PTPRD: variants seen among roughly 807,000 people sequenced by gnomAD.
PTPRD encodes protein tyrosine phosphatase receptor type D.
A neutral mutation model predicts 214.5 loss-of-function variants in PTPRD; 34 were observed. That is an observed-to-expected ratio of 0.16 (90% CI 0.12 to 0.21). The LOEUF (loss-of-function observed/expected upper bound fraction) is 0.21, where lower values mean the gene tolerates loss of function less well. PTPRD is among the 10% of genes least tolerant of loss of function. PTPRD has a pLI of 1.00. For missense variants in PTPRD, 2,545 were observed against 2,398.7 expected, an observed-to-expected ratio of 1.06 and a Z score of -1.27; for synonymous variants, 1,128 against 845.7, an observed-to-expected ratio of 1.33 and a Z score of -5.79.
intron 8 of PTPRD, among the ~76,000 whole-genome samples, chr9:9,463,904 T>A (rs1167562233): frequency 6.6e-6 from 1 of 152,120 alleles, no homozygotes; most frequent in East Asian, 1.9e-4. Context: ...GAACTGAAGC[T>A]TACCAGATCA....
intron 3 of PTPRD, among the ~76,000 whole-genome samples, chr9:10,035,110 C>A (rs1458034332): frequency 1.3e-5 from 2 of 152,084 alleles, no homozygotes; most frequent in Non-Finnish European, 2.9e-5. Context: ...ACCTTGCCAG[C>A]ATGTATTATT....
intron 11 of PTPRD, among the ~76,000 whole-genome samples, chr9:8,911,478 C>A (rs2098748367): frequency 6.6e-6 from 1 of 151,284 alleles, no homozygotes; most frequent in African/African-American, 2.4e-5. Flanking sequence ...TGAATGACAA[C>A]ACTTTTGATA....
chr9:10,516,019 A>T (rs1761560563), intron 2 of PTPRD, among the ~76,000 whole-genome samples: 1 of 151,998 alleles, frequency 6.6e-6, no homozygotes, highest in African/African-American at 2.4e-5. Context: ...TATTGTGAAT[A>T]GAGATGCAGT....
At chr9:8,808,659 A>G (rs2096737725) in intron 11 of PTPRD, among the ~76,000 whole-genome samples, 1 of 152,136 alleles carries the variant, frequency 6.6e-6, no homozygotes, top group South Asian at 2.1e-4. Flanking sequence ...AATCAAAATA[A>G]TATCTTTTTG....
chr9:10,105,392 A>C (rs965652053), intron 3 of PTPRD, among the ~76,000 whole-genome samples: 1 of 151,912 alleles, frequency 6.6e-6, no homozygotes, highest in Non-Finnish European at 1.5e-5. Context: ...AGTTAGGTAG[A>C]AAAGCTACAT....
In PTPRD at chr9:8,500,358, G is replaced by A. The variant is rs75576866; in HGVS notation, c.2128+396C>T. On this transcript the variant is annotated intron_variant, in intron 24 of 45. Coordinates refer to ENST00000381196, the MANE Select transcript of PTPRD (RefSeq NM_002839.4). ...TTGAGCATCAATGTCTCTGAAATAT[G>A]TAAGACAAAAAGGCAACAAAAAGGT... 5.4e-3 allele frequency among the ~76,000 whole-genome samples: 817 copies of A among 151,436 alleles called. 8 individuals are homozygous for A. The highest frequency in any genetic ancestry group is 0.018 in the African/African-American group (755 of 41,316).
At chr9:9,078,240 T>C (rs1008324324) in intron 10 of PTPRD, among the ~76,000 whole-genome samples, 2 of 152,122 alleles carry the variant, frequency 1.3e-5, no homozygotes, top group African/African-American at 4.8e-5. Flanking sequence ...TCATAAAAGT[T>C]TTATTGAATT....
intron 7 of PTPRD, among the ~76,000 whole-genome samples, chr9:9,602,742 G>C (rs181986893): frequency 2.7e-4 from 41 of 152,066 alleles, no homozygotes; most frequent in Non-Finnish European, 1.5e-4. Context: ...CTGGATAAAA[G>C]ATCTTGAAAT....
chr9:8,626,066 T>A (rs912048668), intron 14 of PTPRD, among the ~76,000 whole-genome samples: 1 of 151,826 alleles, frequency 6.6e-6, no homozygotes, highest in Non-Finnish European at 1.5e-5. Flanking sequence ...GCATTTGGCA[T>A]ATCTGTGCCC....
intron 2 of PTPRD, among the ~76,000 whole-genome samples, chr9:10,470,166 T>A (rs2099021118): frequency 6.6e-6 from 1 of 152,132 alleles, no homozygotes; most frequent in African/African-American, 2.4e-5. Flanking sequence ...GTAATGGATG[T>A]GCTAAATACC....
chr9:10,534,782 C>T (rs2057351982), intron 2 of PTPRD, among the ~76,000 whole-genome samples: 1 of 152,142 alleles, frequency 6.6e-6, no homozygotes, highest in African/African-American at 2.4e-5. Context: ...ATTTGAGAGG[C>T]ACCATTTCAT....
intron 2 of PTPRD, among the ~76,000 whole-genome samples, chr9:10,360,985 C>T (rs1433775591): frequency 6.6e-6 from 1 of 152,016 alleles, no homozygotes; most frequent in African/African-American, 2.4e-5. Flanking sequence ...GCCTGTAGTC[C>T]CAGCTACTCG....
At chr9:10,392,175 A>G (rs995968179) in intron 2 of PTPRD, among the ~76,000 whole-genome samples, 1 of 151,972 alleles carries the variant, frequency 6.6e-6, no homozygotes, top group Non-Finnish European at 1.5e-5. Context: ...GCTGTATCCT[A>G]AGAGTTTAGT....
intron 9 of PTPRD, among the ~76,000 whole-genome samples, chr9:9,304,244 A>C (rs1439073017): frequency 6.6e-6 from 1 of 152,138 alleles, no homozygotes; most frequent in African/African-American, 2.4e-5. Flanking sequence ...TGTTATGGGA[A>C]AAAGAAAAGA....
At chr9:10,088,848 G>T (rs746265969) in intron 3 of PTPRD, among the ~76,000 whole-genome samples, 2 of 151,542 alleles carry the variant, frequency 1.3e-5, no homozygotes, top group Non-Finnish European at 3.0e-5. Context: ...TTTCTTTGTT[G>T]GGTGATGGAA....
At chr9:9,128,701 G>A (rs1311547251) in intron 10 of PTPRD, among the ~76,000 whole-genome samples, 2 of 152,130 alleles carry the variant, frequency 1.3e-5, no homozygotes, top group Admixed American at 1.3e-4. Context: ...AAATATTTTG[G>A]AGAACTCAGT....
intron 12 of PTPRD, among the ~76,000 whole-genome samples, chr9:8,675,720 C>A (rs2097396977): frequency 6.6e-6 from 1 of 152,026 alleles, no homozygotes; most frequent in African/African-American, 2.4e-5. Flanking sequence ...ACATCTTAGA[C>A]AGATCTTATC....
intron 3 of PTPRD, among the ~76,000 whole-genome samples, chr9:10,067,122 T>C (rs994023742): frequency 3.3e-5 from 5 of 151,876 alleles, no homozygotes; most frequent in South Asian, 2.1e-4. Flanking sequence ...CAGGATAAAA[T>C]TGGGATTGCA....
intron 4 of PTPRD, among the ~76,000 whole-genome samples, chr9:10,032,193 C>T (rs76425165): frequency 0.028 from 4,329 of 152,222 alleles, 121 homozygotes; most frequent in Admixed American, 0.088. Flanking sequence ...TTCACACATG[C>T]AGAAATAACT....
Sources: gnomAD v4.1 joint callset for allele counts (sites outside exome capture counted in the v4.1 genomes callset) on GRCh38, gnomAD v4.1.1 for gene constraint, MANE v1.5 for transcripts, NCBI Gene and HGNC (gene_info 2026-07-23, HGNC 2026-07-21) for gene names.